The following CNTN1 variants were observed in gnomAD, a reference collection of about 807,000 sequenced individuals.
CNTN1 encodes contactin-1.
CNTN1 carries 38 observed loss-of-function variants against 126.4 expected under a neutral mutation model. That is an observed-to-expected ratio of 0.30 (90% CI 0.23 to 0.39). The LOEUF (loss-of-function observed/expected upper bound fraction) is 0.39, where lower values mean the gene tolerates loss of function less well. Ranked by LOEUF, CNTN1 falls within the 10% of genes least tolerant of loss-of-function variation. The pLI is 1.00. For synonymous variants in CNTN1, 413 were observed against 422.6 expected (o/e 0.98, Z 0.28); for missense variants, 1,009 against 1,248.4 (o/e 0.81, Z 2.89).
At chr12:40,963,661 C>T (rs1401403241) in intron 15 of CNTN1, among the ~76,000 whole-genome samples, 1 of 151,950 alleles carries the variant, frequency 6.6e-6, no homozygotes, top group African/African-American at 2.4e-5. Flanking sequence ...CCAGGTATTA[C>T]ACTTCAGATG....
rs755987043 is a variant in CNTN1 at position 40,929,992 on chromosome 12, A to G, written c.693A>G (p.Pro231=). The stretch of plus-strand genomic sequence containing the variant: ...TCAGCAAATTCATCCCACTCATTCC[A>G]ATACCTGAACGTAAGTATTTTATTT... ...SVFSKFIPLI[P]IPERTTKPYP... Residue 231 remains proline (P), a synonymous_variant, in exon 7 of 24, where the codon CCA becomes CCG. Coordinates refer to ENST00000551295, the MANE Select transcript of CNTN1 (RefSeq NM_001843.4). The G allele has an allele frequency of 2.8e-5, 45 of 1,608,014 alleles. No homozygotes were observed. Among genetic ancestry groups the G allele is most frequent in the Non-Finnish European group, 3.7e-5 (44 of 1,174,880 alleles).
intron 23 of CNTN1, among the ~76,000 whole-genome samples, chr12:41,050,382 C>T (rs190226264): frequency 1.3e-5 from 2 of 152,214 alleles, no homozygotes; most frequent in Non-Finnish European, 2.9e-5. Flanking sequence ...CCTCAGGAAA[C>T]TTATAATCAT....
At chr12:40,907,866 T>A (rs776852097) in intron 1 of CNTN1, among the ~76,000 whole-genome samples, 4 of 152,254 alleles carry the variant, frequency 2.6e-5, no homozygotes, top group Admixed American at 2.6e-4. Flanking sequence ...CAGAAAATGC[T>A]AACATCATCA....
chr12:41,071,142 A>G lies in CNTN1; in HGVS notation c.*1107A>G, dbSNP rs576023563. The G allele has an allele frequency of 1.3e-5, 2 of 152,240 alleles. No individual in the cohort carries two copies. Among genetic ancestry groups the G allele is most frequent in the Non-Finnish European group, 2.9e-5 (2 of 67,994 alleles). The allele number at this position is 152,240 out of a possible 1,614,324, so 9.4% of individuals were successfully genotyped here. A position where few individuals can be genotyped will look rare whatever the true frequency, so the allele number is the denominator to read the frequency against. On this transcript the variant is annotated 3_prime_UTR_variant, in exon 24 of 24. Transcript: ENST00000551295. ...CATTTCCCACTTCAATGCAATACTGAAAACTGGCTAAAAATACCAAATCAA... is the reference window on the plus strand; with the variant it reads ...CATTTCCCACTTCAATGCAATACTGGAAACTGGCTAAAAATACCAAATCAA...
intron 7 of CNTN1, 40 bp from the exon 8 acceptor site, chr12:40,933,421 C>A: frequency 7.9e-7 from 1 of 1,264,192 alleles, no homozygotes; most frequent in Non-Finnish European, 1.2e-6. Context: ...TAATATTGTG[C>A]CTAATAATTA....
intron 6 of CNTN1, among the ~76,000 whole-genome samples, chr12:40,926,043 G>T (rs564839649): frequency 6.6e-6 from 1 of 151,586 alleles, no homozygotes; most frequent in African/African-American, 2.4e-5. Context: ...CACAATGTAT[G>T]CCACAGAAAT....
rs1244883370 is a variant in CNTN1 at position 40,878,011 on chromosome 12, TTTTG to T, written c.-76-30345_-76-30342del. Among the ~76,000 whole-genome samples the T allele has an allele frequency of 2.6e-4, 35 of 136,094 alleles. 1 individual carries two copies. The highest frequency in any genetic ancestry group is 1.7e-3 in the East Asian group (8 of 4,784). The allele number at this position is 136,094 out of a possible 152,430, so 89.3% of individuals were successfully genotyped here. A position where few individuals can be genotyped will look rare whatever the true frequency, so the allele number is the denominator to read the frequency against. On this transcript the variant is annotated intron_variant, in intron 1 of 23. Coordinates refer to ENST00000551295, the MANE Select transcript of CNTN1 (RefSeq NM_001843.4). ...TCCTTTTTTTTTTTTTTTTTTTTTT[TTTTG>T]AGATAGAGTTTTGCTCTTGTTGCCC...
intron 1 of CNTN1, among the ~76,000 whole-genome samples, chr12:40,714,786 G>C (rs1227597793): frequency 6.6e-6 from 1 of 152,020 alleles, no homozygotes; most frequent in Non-Finnish European, 1.5e-5. Flanking sequence ...GTTCCCGAGG[G>C]ATTCTTACTG....
chr12:40,975,283 TTGTC>T (rs982324943), intron 15 of CNTN1, among the ~76,000 whole-genome samples: 22 of 150,606 alleles, frequency 1.5e-4, no homozygotes, highest in African/African-American at 5.1e-4. Flanking sequence ...TTTCTATTAT[TTGTC>T]TGTAGTGCAT....
intron 1 of CNTN1, among the ~76,000 whole-genome samples, chr12:40,839,174 A>T (rs745669644): frequency 7.9e-5 from 12 of 152,214 alleles, no homozygotes; most frequent in Admixed American, 3.9e-4. Flanking sequence ...ATCAGGCAGA[A>T]GAAATAATCT....
At position 40,909,994 on chromosome 12, in the gene CNTN1, T is replaced by G. The variant is rs898881972; in HGVS notation, c.62-79T>G. Reference sequence around the variant, plus strand: ...TACTCTCATTCCATTGTCTAGCATCTCAGCTATTTAAGTAATGTTTGAAAC... The same window carrying G: ...TACTCTCATTCCATTGTCTAGCATCGCAGCTATTTAAGTAATGTTTGAAAC... On this transcript the variant is annotated intron_variant, in intron 2 of 23. Coordinates refer to ENST00000551295, the MANE Select transcript of CNTN1 (RefSeq NM_001843.4). 14 of 1,047,448 alleles carry G rather than the reference T, an allele frequency of 1.3e-5. No homozygotes were observed. The South Asian group carries it at 1.4e-4, about 10-fold the overall frequency. 64.9% of individuals were successfully genotyped at this position (1,047,448 alleles called of 1,614,324 possible).
intron 1 of CNTN1, among the ~76,000 whole-genome samples, chr12:40,702,654 G>A (rs555745256): frequency 1.3e-5 from 2 of 151,872 alleles, no homozygotes; most frequent in Non-Finnish European, 2.9e-5. Context: ...CAGGCTGGTC[G>A]TGAACTCCTG....
rs573374559 is a variant in CNTN1, at chr12:40,749,512, A to AT, written c.-77+56928dup. Among the ~76,000 whole-genome samples the AT allele has an allele frequency of 5.7e-4, 87 of 152,030 alleles. 3 individuals carry two copies. Among genetic ancestry groups the AT allele is most frequent in the Non-Finnish European group, 1.0e-3 (68 of 67,936 alleles). ...AGCCAGAATATAAGTATAATTCAAT[A>AT]TTTTTTTTGTTAATAACCTGGTAGG... On this transcript the variant is annotated intron_variant, in intron 1 of 23. Coordinates refer to ENST00000551295, the MANE Select transcript of CNTN1 (RefSeq NM_001843.4).
intron 21 of CNTN1, 132 bp from the exon 22 acceptor site, chr12:41,027,725 A>G: frequency 1.4e-6 from 1 of 708,912 alleles, no homozygotes; most frequent in Non-Finnish European, 2.6e-6. Flanking sequence ...AGTGCCTGGC[A>G]TATAGTAAAC....
chr12:40,840,937 G>GA (rs67868114), intron 1 of CNTN1, among the ~76,000 whole-genome samples: 6 of 150,184 alleles, frequency 4.0e-5, no homozygotes, highest in Admixed American at 6.6e-5. Context: ...ATTAGCAGAT[G>GA]AAAAAAAATA....
chr12:40,714,425 G>A (rs138296255), intron 1 of CNTN1, among the ~76,000 whole-genome samples: 10 of 152,090 alleles, frequency 6.6e-5, no homozygotes, highest in East Asian at 5.8e-4. Context: ...GTGAAGTTAC[G>A]TTATCCATCT....
intron 1 of CNTN1, chr12:40,742,301 A>G (rs1373585521): frequency 6.6e-6 from 1 of 152,142 alleles, no homozygotes; most frequent in Non-Finnish European, 1.5e-5. Flanking sequence ...GGCTAAAACT[A>G]AAAGCATTTG....
chr12:41,015,494 A>T (rs1007858833), intron 18 of CNTN1, among the ~76,000 whole-genome samples: 1 of 152,180 alleles, frequency 6.6e-6, no homozygotes, highest in East Asian at 1.9e-4. Flanking sequence ...CTAAGTAGAG[A>T]ACTATCAATA....
chr12:40,802,977 C>G (rs73112690), intron 1 of CNTN1, among the ~76,000 whole-genome samples: 1 of 151,864 alleles, frequency 6.6e-6, no homozygotes, highest in Non-Finnish European at 1.5e-5. Flanking sequence ...AGCCATGTTT[C>G]GAATCCTGTC....
Sources: allele counts gnomAD v4.1 joint callset (sites outside exome capture counted in the v4.1 genomes callset), GRCh38; gene constraint gnomAD v4.1.1; transcripts MANE v1.5; gene names NCBI Gene and HGNC (gene_info 2026-07-23, HGNC 2026-07-21).